The following SORBS2 variants were observed in gnomAD, a reference collection of about 807,000 sequenced individuals.
SORBS2 encodes the protein sorbin and SH3 domain containing 2.
A neutral mutation model predicts 97.7 loss-of-function variants in SORBS2; 46 were observed. That is an observed-to-expected ratio of 0.47 (90% CI 0.37 to 0.60). The LOEUF is 0.60. SORBS2 is among the 20% of genes least tolerant of loss of function. The pLI, the probability that SORBS2 is intolerant of heterozygous loss-of-function variation, is 0.00. For synonymous variants in SORBS2, 476 were observed against 473.4 expected (o/e 1.01, Z -0.07); for missense variants, 1,316 against 1,282.3 (o/e 1.03, Z -0.40).
intron 1 of SORBS2, among the ~76,000 whole-genome samples, chr4:185,801,969 G>A (rs2099133175): frequency 6.6e-6 from 1 of 152,144 alleles, no homozygotes; most frequent in Admixed American, 6.5e-5. Context: ...ATACATGTGA[G>A]TGGTATAAAA....
intron 2 of SORBS2, among the ~76,000 whole-genome samples, chr4:185,749,590 G>A (rs529584714): frequency 6.6e-6 from 1 of 152,280 alleles, no homozygotes; most frequent in South Asian, 2.1e-4. Context: ...TTACCTTAGG[G>A]TATATGGACT....
chr4:185,888,344 C>T (rs1390812105), intron 1 of SORBS2, among the ~76,000 whole-genome samples: 2 of 152,042 alleles, frequency 1.3e-5, no homozygotes, highest in African/African-American at 4.8e-5. Context: ...TGGAGAGAGA[C>T]ACACAGAGGA....
chr4:185,847,783 T>C (rs776886337), intron 1 of SORBS2, among the ~76,000 whole-genome samples: 2 of 152,204 alleles, frequency 1.3e-5, no homozygotes, highest in Non-Finnish European at 2.9e-5. Flanking sequence ...GAAGAAGCAC[T>C]GGGCTCACAT....
intron 1 of SORBS2, among the ~76,000 whole-genome samples, chr4:185,821,654 C>T (rs1191777410): frequency 6.6e-6 from 1 of 152,124 alleles, no homozygotes; most frequent in Non-Finnish European, 1.5e-5. Flanking sequence ...GAACTCCTGA[C>T]CTCAGGTGAT....
intron 1 of SORBS2, among the ~76,000 whole-genome samples, chr4:185,789,696 T>A (rs905836888): frequency 3.3e-5 from 5 of 152,092 alleles, no homozygotes; most frequent in African/African-American, 1.2e-4. Context: ...ACCATTTTTT[T>A]ACAACAGAAT....
chr4:185,752,425 G>A (rs756548631), intron 2 of SORBS2, among the ~76,000 whole-genome samples: 18 of 152,158 alleles, frequency 1.2e-4, no homozygotes, highest in Non-Finnish European at 1.9e-4. Context: ...ACAGGCGCCC[G>A]CCACCACACC....
intron 1 of SORBS2, among the ~76,000 whole-genome samples, chr4:185,815,235 CAGGGTTCCCTCTT>C (rs1159606567): frequency 6.6e-6 from 1 of 152,202 alleles, no homozygotes; most frequent in Non-Finnish European, 1.5e-5. Flanking sequence ...TGATGGTTTT[CAGGGTTCCCTCTT>C]CTGTAAATTT....
intron 2 of SORBS2, among the ~76,000 whole-genome samples, chr4:185,694,913 G>T (rs1386197675): frequency 6.6e-6 from 1 of 151,424 alleles, no homozygotes; most frequent in African/African-American, 2.4e-5. Context: ...TACCATGTTG[G>T]TCAGGCTGGT....
At chr4:185,758,092 A>G (rs1407551845) in intron 2 of SORBS2, among the ~76,000 whole-genome samples, 1 of 152,230 alleles carries the variant, frequency 6.6e-6, no homozygotes, top group Admixed American at 6.5e-5. Flanking sequence ...GCATGAAACT[A>G]GTGACACAGT....
At chr4:185,657,037 G>A (rs2097418802), upstream of SORBS2, 4 of 589,984 alleles carry the variant, frequency 6.8e-6, no homozygotes, top group Admixed American at 1.1e-4. Context: ...TGCTTTATTC[G>A]CAATGCATGT....
At chr4:185,845,415 G>T (rs888820022) in intron 1 of SORBS2, among the ~76,000 whole-genome samples, 2 of 152,112 alleles carry the variant, frequency 1.3e-5, no homozygotes, top group South Asian at 2.1e-4. Flanking sequence ...TGGTTAAAAT[G>T]GTAATTTTAA....
chr4:185,629,539 T>C (rs1413595847), intron 5 of SORBS2, among the ~76,000 whole-genome samples: 1 of 151,040 alleles, frequency 6.6e-6, no homozygotes, highest in Non-Finnish European at 1.5e-5. Context: ...GAACTATGTC[T>C]GAATATGTCT....
intron 4 of SORBS2, among the ~76,000 whole-genome samples, chr4:185,642,606 C>T (rs1477031004): frequency 1.3e-5 from 2 of 152,152 alleles, no homozygotes; most frequent in Non-Finnish European, 2.9e-5. Flanking sequence ...CCAGATCAAA[C>T]ATTAGGCCCA....
At chr4:185,944,755 G>T (rs549561355) in intron 1 of SORBS2, among the ~76,000 whole-genome samples, 22 of 152,274 alleles carry the variant, frequency 1.4e-4, no homozygotes, top group Non-Finnish European at 2.2e-4. Context: ...AAAGAAATAT[G>T]ATTCTGTGAA....
chr4:185,589,529 C>G (rs2095870541), intron 14 of SORBS2, 150 bp downstream of exon 26: 2 of 607,068 alleles, frequency 3.3e-6, no homozygotes, highest in South Asian at 4.1e-5. Flanking sequence ...ATGCAATAGC[C>G]TTGGGATTAC....
At chr4:185,824,861 C>CATG (rs1411513969) in intron 1 of SORBS2, among the ~76,000 whole-genome samples, 1 of 152,168 alleles carries the variant, frequency 6.6e-6, no homozygotes, top group East Asian at 1.9e-4. Context: ...GGTAACATCT[C>CATG]CCAACCCACA....
intron 6 of SORBS2, among the ~76,000 whole-genome samples, chr4:185,626,425 C>G (rs73028076): frequency 0.06 from 9,057 of 152,196 alleles, 870 homozygotes; most frequent in African/African-American, 0.2. Flanking sequence ...TATATTTTAG[C>G]CAACAATTTG....
At chr4:185,826,450 CTT>C (rs1250797319) in intron 1 of SORBS2, among the ~76,000 whole-genome samples, 3 of 152,136 alleles carry the variant, frequency 2.0e-5, no homozygotes, top group Non-Finnish European at 4.4e-5. Flanking sequence ...TAAATCTTTT[CTT>C]TTTTCTTTGC....
chr4:185,628,366 C>G (rs921755324), intron 5 of SORBS2, among the ~76,000 whole-genome samples: 1 of 151,544 alleles, frequency 6.6e-6, no homozygotes, highest in Non-Finnish European at 1.5e-5. Flanking sequence ...GAAAATCTCT[C>G]TCACCTCAAG....
Sources: allele counts gnomAD v4.1 joint callset (sites outside exome capture counted in the v4.1 genomes callset), GRCh38; gene constraint gnomAD v4.1.1; transcripts MANE v1.5; gene names NCBI Gene and HGNC (gene_info 2026-07-23, HGNC 2026-07-21).